TAF2: variants seen among roughly 807,000 people sequenced by gnomAD.
TAF2 encodes the protein TATA-box binding protein associated factor 2, also known as transcription initiation factor TFIID subunit 2.
Under a neutral mutation model 138.5 loss-of-function variants are expected in TAF2, and 61 were observed. The ratio of observed to expected loss-of-function variants is 0.44; its 90% confidence interval spans 0.36 to 0.54. The LOEUF (loss-of-function observed/expected upper bound fraction) is 0.54, where lower values mean the gene tolerates loss of function less well. Among genes scored for constraint, TAF2 ranks in the 20% least tolerant of loss-of-function variants. TAF2 has a pLI of 0.00. For synonymous variants in TAF2, 475 were observed against 469.9 expected, an observed-to-expected ratio of 1.01 and a Z score of -0.14; for missense variants, 1,090 against 1,427.9, an observed-to-expected ratio of 0.76 and a Z score of 3.81.
chr8:119,819,666 G>A (rs1825699504), intron 2 of TAF2, among the ~76,000 whole-genome samples, 160 bp from the exon 3 acceptor site: 1 of 152,132 alleles, frequency 6.6e-6, no homozygotes. Flanking sequence ...TTTCAAACAT[G>A]ATTGTCCTAG....
chr8:119,736,922 A>C (rs1819259697), intron 25 of TAF2, among the ~76,000 whole-genome samples: 1 of 152,206 alleles, frequency 6.6e-6, no homozygotes, highest in East Asian at 1.9e-4. Context: ...ACAGACTTGA[A>C]AAGCACAGAA....
chr8:119,769,601 G>C (rs1183897024), intron 18 of TAF2, among the ~76,000 whole-genome samples: 1 of 151,934 alleles, frequency 6.6e-6, no homozygotes, highest in Non-Finnish European at 1.5e-5. Flanking sequence ...AGACCAGATA[G>C]ATGTATTTTT....
At chr8:119,811,792 T>C (rs1159078041) in intron 3 of TAF2, among the ~76,000 whole-genome samples, 1 of 114,310 alleles carries the variant, frequency 8.7e-6, no homozygotes, top group East Asian at 2.3e-4. Flanking sequence ...GGCGAAAGAG[T>C]GAGACTCCGT....
chr8:119,816,044 C>T (rs2131247609), intron 3 of TAF2, among the ~76,000 whole-genome samples: 1 of 150,216 alleles, frequency 6.7e-6, no homozygotes, highest in African/African-American at 2.4e-5. Flanking sequence ...TGTAAGCACA[C>T]TCTTTCTTTT....
chr8:119,757,280 T>C (rs555703805), intron 21 of TAF2, among the ~76,000 whole-genome samples: 6 of 152,224 alleles, frequency 3.9e-5, no homozygotes, highest in Middle Eastern at 6.8e-3. Context: ...AAAAGTGAAA[T>C]GTAATTATAG....
chr8:119,738,837 A>T (rs530590796), intron 25 of TAF2, among the ~76,000 whole-genome samples: 4 of 152,164 alleles, frequency 2.6e-5, no homozygotes, highest in African/African-American at 9.6e-5. Flanking sequence ...TTAACACAAA[A>T]CCTGCAGTTT....
chr8:119,812,286 GA>G (rs1825123679), intron 3 of TAF2, among the ~76,000 whole-genome samples: 1 of 151,830 alleles, frequency 6.6e-6, no homozygotes, highest in Non-Finnish European at 1.5e-5. Flanking sequence ...GGCATTAATA[GA>G]TAGCTCAAGA....
intron 6 of TAF2, among the ~76,000 whole-genome samples, chr8:119,800,145 T>G (rs1201772625): frequency 6.6e-6 from 1 of 152,212 alleles, no homozygotes; most frequent in Non-Finnish European, 1.5e-5. Context: ...CTCTTTAGTT[T>G]AATTAGATCC....
intron 3 of TAF2, among the ~76,000 whole-genome samples, chr8:119,816,054 T>C (rs1358499742): frequency 2.7e-5 from 4 of 149,612 alleles, no homozygotes; most frequent in African/African-American, 7.4e-5. Flanking sequence ...CTCTTTCTTT[T>C]TTTTTTTTTT....
chr8:119,768,313 T>G (rs1262409515), intron 18 of TAF2, among the ~76,000 whole-genome samples: 1 of 152,184 alleles, frequency 6.6e-6, no homozygotes, highest in Non-Finnish European at 1.5e-5. Flanking sequence ...CCTCGTCCAG[T>G]CCACTACCTC....
intron 14 of TAF2, among the ~76,000 whole-genome samples, chr8:119,785,732 A>G (rs1036860498): frequency 6.6e-6 from 1 of 152,208 alleles, no homozygotes; most frequent in African/African-American, 2.4e-5. Flanking sequence ...AGAACCAATT[A>G]ATACGCACAA....
At chr8:119,798,643 T>C (rs986654211) in intron 6 of TAF2, among the ~76,000 whole-genome samples, 1 of 152,158 alleles carries the variant, frequency 6.6e-6, no homozygotes, top group Non-Finnish European at 1.5e-5. Context: ...CAGAGAAATA[T>C]AAGTAAACTA....
chr8:119,782,714 A>T (rs1822751205), intron 16 of TAF2, among the ~76,000 whole-genome samples: 1 of 152,234 alleles, frequency 6.6e-6, no homozygotes, highest in Non-Finnish European at 1.5e-5. Context: ...GCATCTAAAA[A>T]ACATATTTGG....
chr8:119,770,692 A>C (rs770088736), intron 18 of TAF2, among the ~76,000 whole-genome samples: 13 of 152,306 alleles, frequency 8.5e-5, no homozygotes, highest in Middle Eastern at 3.4e-3. Flanking sequence ...TAAGGCCCCA[A>C]GGCAACTACC....
intron 3 of TAF2, among the ~76,000 whole-genome samples, chr8:119,814,547 A>G (rs1023570304): frequency 1.3e-5 from 2 of 152,016 alleles, no homozygotes; most frequent in Non-Finnish European, 2.9e-5. Context: ...TCCTTGGTGG[A>G]AATTAAACTC....
chr8:119,813,058 G>A (rs568094638), intron 3 of TAF2, among the ~76,000 whole-genome samples: 6 of 152,172 alleles, frequency 3.9e-5, no homozygotes, highest in Non-Finnish European at 5.9e-5. Flanking sequence ...CTCACCAGCA[G>A]TGTATAAGCA....
At position 119,795,629 on chromosome 8, in the gene TAF2, G is replaced by A. The variant is rs1823770822; in HGVS notation, c.1094C>T (p.Ser365Phe). 1 of 1,613,472 alleles carries A rather than the reference G, an allele frequency of 6.2e-7. No individual in the cohort carries two copies. ...AATTCCCTTCAGCACCCATTCATCA[G>A]ACCTAAGCAAAAAGTCAAAGCATAA... The part of the protein sequence containing the change: ...FGCFISRMSW[S>F]DEWVLKGISG... The change falls in exon 9 of 26, where the codon TCT becomes TTT. Residue 365 changes from serine (S) to phenylalanine (F), a missense_variant and splice_region_variant. By Grantham distance (155) the Ser-to-Phe change is radical (BLOSUM62 -2). Coordinates refer to ENST00000378164, the MANE Select transcript of TAF2 (RefSeq NM_003184.4).
intron 6 of TAF2, among the ~76,000 whole-genome samples, chr8:119,799,930 G>A (rs373772792): frequency 6.6e-6 from 1 of 152,120 alleles, no homozygotes; most frequent in African/African-American, 2.4e-5. Context: ...TCATGTGTCT[G>A]TTGGCTGCAT....
intron 18 of TAF2, among the ~76,000 whole-genome samples, chr8:119,777,507 T>C (rs1281948834): frequency 6.6e-6 from 1 of 152,206 alleles, no homozygotes; most frequent in Non-Finnish European, 1.5e-5. Context: ...CATTTGCTGA[T>C]TGTTGGAATG....
Sources: allele counts gnomAD v4.1 joint callset (sites outside exome capture counted in the v4.1 genomes callset), GRCh38; gene constraint gnomAD v4.1.1; transcripts MANE v1.5; gene names NCBI Gene and HGNC (gene_info 2026-07-23, HGNC 2026-07-21).